Variants in KCTD16 observed in about 807,000 individuals in gnomAD.
KCTD16 encodes the protein potassium channel tetramerization domain containing 16.
In KCTD16, 13 loss-of-function variants were observed where a neutral mutation model predicts 33.2. The ratio of observed to expected loss-of-function variants is 0.39; its 90% CI spans 0.25 to 0.62. The LOEUF (loss-of-function observed/expected upper bound fraction) is 0.62, where lower values mean the gene tolerates loss of function less well. KCTD16 is among the 20% of genes least tolerant of loss of function. The pLI is 0.50. For synonymous variants in KCTD16, 197 were observed against 195.3 expected, an observed-to-expected ratio of 1.01 and a Z score of -0.07; for missense variants, 441 against 525.1, an observed-to-expected ratio of 0.84 and a Z score of 1.57.
At chr5:144,421,436 G>A (rs1190058876) in intron 3 of KCTD16, among the ~76,000 whole-genome samples, 1 of 152,112 alleles carries the variant, frequency 6.6e-6, no homozygotes, top group African/African-American at 2.4e-5. Flanking sequence ...GGAGACTGCG[G>A]CACATTGGAT....
chr5:144,259,756 G>C (rs1446838831), intron 3 of KCTD16, among the ~76,000 whole-genome samples: 1 of 152,186 alleles, frequency 6.6e-6, no homozygotes, highest in Non-Finnish European at 1.5e-5. Context: ...AGACCGTCAG[G>C]CTCTTTCTTT....
At chr5:144,346,878 A>G (rs1335098231) in intron 3 of KCTD16, among the ~76,000 whole-genome samples, 2 of 151,740 alleles carry the variant, frequency 1.3e-5, no homozygotes, top group Non-Finnish European at 2.9e-5. Flanking sequence ...CCATTTGTCC[A>G]TGTTTGCTTT....
At chr5:144,330,907 G>C (rs748313882) in intron 3 of KCTD16, among the ~76,000 whole-genome samples, 3 of 152,182 alleles carry the variant, frequency 2.0e-5, no homozygotes, top group Admixed American at 2.0e-4. Flanking sequence ...CAAAGAAACA[G>C]ATGACTTAGT....
chr5:144,244,440 A>G (rs1754492041), intron 3 of KCTD16, among the ~76,000 whole-genome samples: 1 of 152,226 alleles, frequency 6.6e-6, no homozygotes, highest in Non-Finnish European at 1.5e-5. Context: ...GTTGGCTGTC[A>G]TGCAGTAGAA....
intron 3 of KCTD16, among the ~76,000 whole-genome samples, chr5:144,429,439 C>A (rs1753407424): frequency 1.3e-5 from 2 of 152,052 alleles, no homozygotes; most frequent in South Asian, 4.1e-4. Context: ...AGGTAGTGAA[C>A]TAACACCATT....
intron 3 of KCTD16, among the ~76,000 whole-genome samples, chr5:144,294,272 G>C (rs1755975958): frequency 6.6e-6 from 1 of 152,170 alleles, no homozygotes; most frequent in Non-Finnish European, 1.5e-5. Flanking sequence ...AATAATGGTA[G>C]AATAATTCAA....
chr5:144,305,006 GTTGGCTTTCCTGGGCTT>G (rs1751562053), intron 3 of KCTD16, among the ~76,000 whole-genome samples: 1 of 97,014 alleles, frequency 1.0e-5, no homozygotes, highest in East Asian at 3.4e-4. Context: ...TTTTTTCTGA[GTTGGCTTTCCTGGGCTT>G]TTGCCTCATT....
intron 3 of KCTD16, among the ~76,000 whole-genome samples, chr5:144,287,802 A>C (rs1479420138): frequency 6.6e-6 from 1 of 151,850 alleles, no homozygotes; most frequent in South Asian, 2.1e-4. Context: ...CATCTGGCTA[A>C]TTTTTTTATT....
rs992076808 is a variant in KCTD16, at chr5:144,484,255, A to T, written c.*10141A>T. The T allele has an allele frequency of 6.6e-6, 1 of 151,914 alleles. No individual in the cohort carries two copies. The highest frequency in any genetic ancestry group is 2.1e-4 in the South Asian group (1 of 4,834). 9.4% of individuals were successfully genotyped at this position (151,914 alleles called of 1,614,324 possible). ...TAATTGGAAAGGTATTCTAGTTAAG[A>T]CACACAGAAACACAAACTTAGCGGA... On this transcript the variant is annotated 3_prime_UTR_variant, in exon 4 of 4. Transcript: ENST00000512467.
At chr5:144,209,507 G>T (rs1753298102) in intron 3 of KCTD16, among the ~76,000 whole-genome samples, 1 of 151,882 alleles carries the variant, frequency 6.6e-6, no homozygotes, top group African/African-American at 2.4e-5. Flanking sequence ...CTTCCCCTTT[G>T]TACCCACCAT....
At chr5:144,380,133 T>C (rs1752179381) in intron 3 of KCTD16, among the ~76,000 whole-genome samples, 1 of 152,136 alleles carries the variant, frequency 6.6e-6, no homozygotes, top group African/African-American at 2.4e-5. Context: ...ATAAATAACT[T>C]TGGTAAAGTT....
At chr5:144,316,408 T>C (rs994961144) in intron 3 of KCTD16, among the ~76,000 whole-genome samples, 4 of 152,120 alleles carry the variant, frequency 2.6e-5, no homozygotes, top group Non-Finnish European at 4.4e-5. Context: ...AGAGAACTTG[T>C]TTCTTTCTTT....
intron 2 of KCTD16, among the ~76,000 whole-genome samples, chr5:144,185,687 T>C (rs1434001351): frequency 6.6e-6 from 1 of 152,178 alleles, no homozygotes; most frequent in Non-Finnish European, 1.5e-5. Context: ...ATTTACATTT[T>C]ATTGTTTTCT....
intron 3 of KCTD16, among the ~76,000 whole-genome samples, chr5:144,355,803 G>C (rs1751557148): frequency 6.6e-6 from 1 of 152,028 alleles, no homozygotes; most frequent in Admixed American, 6.6e-5. Flanking sequence ...CTGATTTCTG[G>C]CTCGCTTTTT....
chr5:144,474,237 C>A lies in KCTD16; in HGVS notation c.*123C>A. ...TGCACATTTCTTAGAACACAATAGT[C>A]CATTGATATACTACTGCCTACTTTA... is the stretch of plus-strand genomic sequence containing the variant. On this transcript the variant is annotated 3_prime_UTR_variant, in exon 4 of 4. Transcript: ENST00000512467. 1.4e-6 allele frequency: 1 copy of A among 729,778 alleles called. No homozygotes were observed. Among genetic ancestry groups the A allele is most frequent in the Non-Finnish European group, 2.2e-6 (1 of 451,342 alleles). The allele number at this position is 729,778 out of a possible 1,614,324, so 45.2% of individuals were successfully genotyped here. A position where few individuals can be genotyped will look rare whatever the true frequency, so the allele number is the denominator to read the frequency against.
chr5:144,201,073 T>A (rs570531722), intron 2 of KCTD16, among the ~76,000 whole-genome samples: 1 of 152,270 alleles, frequency 6.6e-6, no homozygotes, highest in South Asian at 2.1e-4. Flanking sequence ...TTTCCCCCAT[T>A]GGTAGGATTT....
chr5:144,423,918 C>T (rs755568762), intron 3 of KCTD16, among the ~76,000 whole-genome samples: 12 of 152,024 alleles, frequency 7.9e-5, no homozygotes, highest in Non-Finnish European at 1.5e-4. Context: ...TACATGAACA[C>T]TAATGACAGC....
chr5:144,184,045 T>A (rs993039139), intron 2 of KCTD16, among the ~76,000 whole-genome samples: 2 of 152,226 alleles, frequency 1.3e-5, no homozygotes, highest in East Asian at 1.9e-4. Context: ...GGTACTGTGA[T>A]GCCTACAGAA....
intron 3 of KCTD16, among the ~76,000 whole-genome samples, chr5:144,208,583 T>C (rs945471152): frequency 3.3e-5 from 5 of 152,260 alleles, no homozygotes; most frequent in African/African-American, 4.8e-5. Flanking sequence ...TCTATTCTTA[T>C]TCTAAAACAA....
Sources: allele counts gnomAD v4.1 joint callset (sites outside exome capture counted in the v4.1 genomes callset), GRCh38; gene constraint gnomAD v4.1.1; transcripts MANE v1.5; gene names NCBI Gene and HGNC (gene_info 2026-07-23, HGNC 2026-07-21).